Variants in GALNT13 observed in about 807,000 individuals in gnomAD.
GALNT13 encodes polypeptide N-acetylgalactosaminyltransferase 13.
In GALNT13, 28 loss-of-function variants were observed where a neutral mutation model predicts 64.2. That is an observed-to-expected ratio of 0.44 (90% CI 0.32 to 0.60). GALNT13 has a LOEUF of 0.60. GALNT13 is among the 20% of genes least tolerant of loss of function. The probability of loss-of-function intolerance (pLI) is 0.05; values close to 1 mark genes in which losing one functional copy is unlikely to be tolerated. For missense variants in GALNT13, 577 were observed against 669.8 expected, an observed-to-expected ratio of 0.86 and a Z score of 1.53; for synonymous variants, 214 against 224.6, an observed-to-expected ratio of 0.95 and a Z score of 0.42.
chr2:153,634,542 C>CTTTTTTTTTTTTT, the GALNT13 span, among the ~76,000 whole-genome samples: 1 of 91,252 alleles, frequency 1.1e-5, no homozygotes, highest in African/African-American at 4.6e-5. Flanking sequence ...AGATGGAAAT[C>CTTTTTTTTTTTTT]TTTTTTTTTT....
chr2:153,215,524 T>C, the GALNT13 span, among the ~76,000 whole-genome samples: 4 of 152,074 alleles, frequency 2.6e-5, no homozygotes, highest in African/African-American at 9.7e-5. Flanking sequence ...TGCTCCCTTA[T>C]AAAATGTGAA....
chr2:154,058,323 C>T (rs988197026), intron 3 of GALNT13, among the ~76,000 whole-genome samples: 2 of 152,140 alleles, frequency 1.3e-5, no homozygotes, highest in African/African-American at 2.4e-5. Flanking sequence ...GTAAAAGCCA[C>T]CAAGTCTGTG....
chr2:154,151,143 T>C (rs1362352818), intron 4 of GALNT13, among the ~76,000 whole-genome samples: 1 of 152,194 alleles, frequency 6.6e-6, no homozygotes, highest in Non-Finnish European at 1.5e-5. Context: ...TTGTTCTTGT[T>C]GGTTTCAAAG....
intron 1 of GALNT13, among the ~76,000 whole-genome samples, chr2:153,892,141 C>T (rs1245834775): frequency 6.6e-6 from 1 of 151,996 alleles, no homozygotes; most frequent in Non-Finnish European, 1.5e-5. Context: ...ACATGCCTCC[C>T]ATTTTAGATG....
At chr2:153,554,160 CAA>C in the GALNT13 span, among the ~76,000 whole-genome samples, 85 of 115,138 alleles carry the variant, frequency 7.4e-4, 1 homozygote, top group Middle Eastern at 9.5e-3. Flanking sequence ...ACTAAAAATA[CAA>C]AAAAAAAAAA....
intron 9 of GALNT13, among the ~76,000 whole-genome samples, chr2:154,303,131 C>T (rs1452339202): frequency 6.6e-6 from 1 of 151,914 alleles, no homozygotes; most frequent in Non-Finnish European, 1.5e-5. Flanking sequence ...AAATTTAGGA[C>T]AGGGACACAC....
chr2:153,633,893 T>C, the GALNT13 span, among the ~76,000 whole-genome samples: 1 of 152,192 alleles, frequency 6.6e-6, no homozygotes. Context: ...ACCAATAAAG[T>C]CTGTGGACAG....
intron 3 of GALNT13, among the ~76,000 whole-genome samples, chr2:154,087,593 A>G (rs868528859): frequency 6.6e-6 from 1 of 152,110 alleles, no homozygotes; most frequent in Admixed American, 6.6e-5. Flanking sequence ...ATAAAGCACA[A>G]TTATGTTTGC....
At chr2:154,369,825 A>G (rs1697580321) in intron 9 of GALNT13, among the ~76,000 whole-genome samples, 1 of 152,134 alleles carries the variant, frequency 6.6e-6, no homozygotes, top group Non-Finnish European at 1.5e-5. Flanking sequence ...ATTCCAAAGC[A>G]TCTTCTCTTG....
chr2:154,274,223 G>C (rs1691513181), intron 8 of GALNT13, among the ~76,000 whole-genome samples: 1 of 152,168 alleles, frequency 6.6e-6, no homozygotes, highest in Non-Finnish European at 1.5e-5. Context: ...AATGTACGAA[G>C]TTCTAGGTAT....
chr2:154,312,254 T>G (rs1217207269), intron 9 of GALNT13, among the ~76,000 whole-genome samples: 1 of 152,248 alleles, frequency 6.6e-6, no homozygotes, highest in Non-Finnish European at 1.5e-5. Context: ...ATCTTCGCAA[T>G]CCACATTCTT....
the GALNT13 span, among the ~76,000 whole-genome samples, chr2:153,811,734 T>G: frequency 1.6e-4 from 25 of 152,280 alleles, no homozygotes; most frequent in African/African-American, 6.0e-4. Flanking sequence ...CTATTTGTTT[T>G]TTCTGTGATG....
At chr2:153,168,764 G>A in the GALNT13 span, among the ~76,000 whole-genome samples, 2 of 152,236 alleles carry the variant, frequency 1.3e-5, no homozygotes, top group Non-Finnish European at 2.9e-5. Flanking sequence ...TAAACTTAAC[G>A]TACTCTTATT....
the GALNT13 span, among the ~76,000 whole-genome samples, chr2:153,796,859 A>T: frequency 2.6e-5 from 4 of 152,196 alleles, no homozygotes; most frequent in Admixed American, 6.5e-5. Context: ...CTTTTCCAAT[A>T]TGGACAAAAA....
At chr2:153,854,555 T>G in the GALNT13 span, among the ~76,000 whole-genome samples, 7 of 152,032 alleles carry the variant, frequency 4.6e-5, no homozygotes, top group Non-Finnish European at 7.4e-5. Flanking sequence ...CAGTCCAGCT[T>G]GGGGAACAAG....
intron 3 of GALNT13, among the ~76,000 whole-genome samples, chr2:153,998,113 T>G (rs1402587866): frequency 1.3e-5 from 2 of 152,278 alleles, no homozygotes; most frequent in African/African-American, 2.4e-5. Context: ...TATGTGTGCA[T>G]GTGTCTTTAT....
At chr2:153,276,296 A>C in the GALNT13 span, among the ~76,000 whole-genome samples, 1 of 152,098 alleles carries the variant, frequency 6.6e-6, no homozygotes. Flanking sequence ...AATTTATCAA[A>C]GTTCATTCTT....
At chr2:154,383,065 A>G (rs1698349254) in intron 9 of GALNT13, among the ~76,000 whole-genome samples, 1 of 151,976 alleles carries the variant, frequency 6.6e-6, no homozygotes, top group African/African-American at 2.4e-5. Context: ...GGTGAGGTAT[A>G]GTATGCTGCT....
At chr2:154,377,496 G>T (rs953264465) in intron 9 of GALNT13, among the ~76,000 whole-genome samples, 6 of 152,098 alleles carry the variant, frequency 3.9e-5, no homozygotes, top group African/African-American at 1.4e-4. Flanking sequence ...ATCAAGCCCA[G>T]AACTTCTAAA....
Sources: gnomAD v4.1 joint callset for allele counts (sites outside exome capture counted in the v4.1 genomes callset) on GRCh38, gnomAD v4.1.1 for gene constraint, MANE v1.5 for transcripts, NCBI Gene and HGNC (gene_info 2026-07-23, HGNC 2026-07-21) for gene names.